The following KLHDC1 variants were observed in gnomAD, a reference collection of about 807,000 sequenced individuals.
KLHDC1 encodes the protein kelch domain-containing protein 1.
KLHDC1 carries 53 observed loss-of-function variants against 68.3 expected under a neutral mutation model. The observed-to-expected ratio is 0.78, with a 90% CI of 0.62 to 0.98. The LOEUF (loss-of-function observed/expected upper bound fraction) is 0.98, where lower values mean the gene tolerates loss of function less well. Ranked by LOEUF, KLHDC1 falls within the 50% of genes least tolerant of loss-of-function variation. KLHDC1 has a pLI of 0.00. For synonymous variants in KLHDC1, 148 were observed against 159.0 expected (o/e 0.93, Z 0.52); for missense variants, 470 against 492.3 (o/e 0.95, Z 0.43).
chr14:49,716,023 TAGG>T (rs576153518), intron 4 of KLHDC1, among the ~76,000 whole-genome samples: 170 of 152,180 alleles, frequency 1.1e-3, no homozygotes, highest in African/African-American at 3.8e-3. Context: ...CAGAATTTTT[TAGG>T]AGGAGTAATT....
At chr14:49,730,553 G>A (rs923210259) in intron 8 of KLHDC1, among the ~76,000 whole-genome samples, 3 of 152,094 alleles carry the variant, frequency 2.0e-5, no homozygotes, top group Non-Finnish European at 2.9e-5. Context: ...AGAGATGTCA[G>A]GGCAAAGATC....
chr14:49,697,011 A>G (rs1441649130), intron 1 of KLHDC1, among the ~76,000 whole-genome samples: 1 of 150,588 alleles, frequency 6.6e-6, no homozygotes, highest in Non-Finnish European at 1.5e-5. Context: ...ATCTTGGCTC[A>G]CTGCAAGCTC....
At chr14:49,713,842 ATATATATATT>A (rs1888293143) in intron 4 of KLHDC1, among the ~76,000 whole-genome samples, 1 of 28,494 alleles carries the variant, frequency 3.5e-5, no homozygotes, top group African/African-American at 1.3e-4. Flanking sequence ...ATATATATAT[ATATATATATT>A]TTTTTTTTTT....
At position 49,710,371 on chromosome 14, in the gene KLHDC1, T is replaced by A; in HGVS notation, c.394T>A (p.Tyr132Asn). Residue 132 changes from tyrosine to asparagine, a missense_variant, in exon 4 of 13, where the codon TAT (tyrosine) becomes AAT (asparagine). Tyr to Asn is a moderately radical substitution (Grantham distance 143, BLOSUM62 -2). Coordinates refer to ENST00000359332, the MANE Select transcript of KLHDC1 (RefSeq NM_172193.3). The stretch of plus-strand genomic sequence containing the variant: ...ACGTGATAAACTTTCCTGCTGGGTA[T>A]ATAAAGACAGGTAATGCAGCAGTTG... ...TPRDKLSCWV[Y>N]KDRLIYFGGY... 6.4e-7 allele frequency: 1 copy of A among 1,572,766 alleles called. No homozygotes were observed. The highest frequency in any genetic ancestry group is 8.7e-7 in the Non-Finnish European group (1 of 1,142,998).
At chr14:49,709,264 A>T (rs1461363793) in intron 2 of KLHDC1, 35 bp downstream of exon 2, 2 of 867,172 alleles carry the variant, frequency 2.3e-6, no homozygotes, top group South Asian at 3.2e-5. Context: ...GTCTGATCTT[A>T]ATATCTATTA....
intron 1 of KLHDC1, among the ~76,000 whole-genome samples, chr14:49,702,762 G>T (rs1887943350): frequency 1.3e-5 from 2 of 152,290 alleles, no homozygotes; most frequent in Admixed American, 1.3e-4. Flanking sequence ...CAGCTAGGTT[G>T]CAGGCAAGTG....
chr14:49,728,911 G>A lies in KLHDC1; in HGVS notation c.568-15G>A. The A allele has an allele frequency of 6.3e-7, 1 of 1,585,286 alleles. No individual in the cohort carries two copies. The highest frequency in any genetic ancestry group is 8.7e-7 in the Non-Finnish European group (1 of 1,153,692). On this transcript the variant is annotated splice_polypyrimidine_tract_variant and intron_variant, in intron 6 of 12. Coordinates refer to ENST00000359332, the MANE Select transcript of KLHDC1 (RefSeq NM_172193.3). ...ATTTCAAGTCTTTGCAGTCTGTTCT[G>A]ATTTCTACTTGCAGGGTGGAGTTCC...
chr14:49,748,436 T>C (rs1464136825), intron 12 of KLHDC1, among the ~76,000 whole-genome samples: 3 of 152,120 alleles, frequency 2.0e-5, no homozygotes, highest in Non-Finnish European at 4.4e-5. Flanking sequence ...GGGGTGTTTA[T>C]AGAACATACA....
intron 10 of KLHDC1, among the ~76,000 whole-genome samples, chr14:49,739,545 A>T (rs770464041): frequency 3.3e-5 from 5 of 152,226 alleles, no homozygotes; most frequent in Admixed American, 6.5e-5. Context: ...AGGAGTGCCA[A>T]ATTGGATTTG....
intron 1 of KLHDC1, among the ~76,000 whole-genome samples, chr14:49,695,231 C>T (rs766902493): frequency 7.2e-5 from 11 of 151,914 alleles, no homozygotes; most frequent in African/African-American, 2.7e-4. Flanking sequence ...GCTGGAATTA[C>T]AGGTGTGCAC....
At chr14:49,704,055 A>G (rs1164298933) in intron 1 of KLHDC1, among the ~76,000 whole-genome samples, 2 of 152,198 alleles carry the variant, frequency 1.3e-5, no homozygotes, top group Non-Finnish European at 2.9e-5. Context: ...ATTTGTATCA[A>G]TTTACACTCC....
chr14:49,715,422 A>G (rs1381784849), intron 4 of KLHDC1, among the ~76,000 whole-genome samples: 1 of 151,446 alleles, frequency 6.6e-6, no homozygotes, highest in Admixed American at 6.6e-5. Flanking sequence ...TGCCCGGCCT[A>G]CTTTATTATA....
chr14:49,728,586 G>T (rs1320290324), intron 6 of KLHDC1, among the ~76,000 whole-genome samples: 1 of 151,918 alleles, frequency 6.6e-6, no homozygotes, highest in African/African-American at 2.4e-5. Context: ...GAGAAACAGA[G>T]GAGAGAGGGA....
intron 1 of KLHDC1, among the ~76,000 whole-genome samples, chr14:49,704,969 G>T (rs1888009335): frequency 6.6e-6 from 1 of 152,184 alleles, no homozygotes; most frequent in Admixed American, 6.5e-5. Context: ...ATTGGTGGTG[G>T]TGAGGGTGGG....
intron 8 of KLHDC1, among the ~76,000 whole-genome samples, chr14:49,731,137 G>A (rs1229455872): frequency 6.6e-6 from 1 of 152,024 alleles, no homozygotes; most frequent in Non-Finnish European, 1.5e-5. Context: ...ACAATTAGCC[G>A]GGTGTATTGG....
At chr14:49,702,290 TTTC>T (rs1163111931) in intron 1 of KLHDC1, among the ~76,000 whole-genome samples, 4 of 152,180 alleles carry the variant, frequency 2.6e-5, no homozygotes, top group African/African-American at 9.6e-5. Context: ...CAATGAGGTT[TTTC>T]TTCTCCAATT....
chr14:49,727,830 G>A (rs984899867), intron 6 of KLHDC1, among the ~76,000 whole-genome samples: 8 of 152,182 alleles, frequency 5.3e-5, no homozygotes, highest in African/African-American at 1.9e-4. Flanking sequence ...AGGAAGTTAT[G>A]ATATTGGATG....
chr14:49,694,974 G>GC (rs1887691859), intron 1 of KLHDC1, among the ~76,000 whole-genome samples: 1 of 152,244 alleles, frequency 6.6e-6, no homozygotes, highest in African/African-American at 2.4e-5. Flanking sequence ...CTTCCTCTAT[G>GC]TAGTTGGCTA....
chr14:49,710,330 G>C lies in KLHDC1; in HGVS notation c.353G>C (p.Gly118Ala). 1 of 1,611,806 alleles carries C rather than the reference G, an allele frequency of 6.2e-7. No individual in the cohort carries two copies. Among genetic ancestry groups the C allele is most frequent in the Non-Finnish European group, 8.5e-7 (1 of 1,178,302 alleles). Residue 118 changes from glycine to alanine, a missense_variant, in exon 4 of 13, where the codon GGG (glycine) becomes GCG (alanine). Gly to Ala is a moderately conservative substitution (Grantham distance 60, BLOSUM62 0). Transcript: ENST00000359332. ...YIWEKITDFE[G>A]QPPTPRDKLS... is the part of the protein sequence containing the mutation. ...TGGGAGAAAATCACCGACTTTGAAG[G>C]GCAACCACCTACACCACGTGATAAA...
Sources: allele counts gnomAD v4.1 joint callset (sites outside exome capture counted in the v4.1 genomes callset), GRCh38; gene constraint gnomAD v4.1.1; transcripts MANE v1.5; gene names NCBI Gene and HGNC (gene_info 2026-07-23, HGNC 2026-07-21).